Variants in MARCHF8 observed in about 807,000 individuals in gnomAD.
MARCHF8 encodes membrane associated ring-CH-type finger 8.
In MARCHF8, 40 loss-of-function variants were observed where a neutral mutation model predicts 51.6. The observed-to-expected ratio is 0.77, with a 90% CI of 0.60 to 1.01. The LOEUF (loss-of-function observed/expected upper bound fraction) is 1.01. Ranked by LOEUF, MARCHF8 falls within the 50% of genes least tolerant of loss-of-function variation. The pLI is 0.00. For synonymous variants in MARCHF8, 263 were observed against 280.3 expected (o/e 0.94, Z 0.62); for missense variants, 685 against 708.6 (o/e 0.97, Z 0.38).
chr10:45,571,279 G>A (rs923628268), intron 1 of MARCHF8, among the ~76,000 whole-genome samples: 4 of 152,090 alleles, frequency 2.6e-5, no homozygotes, highest in African/African-American at 9.7e-5. Flanking sequence ...AGTGAAAATA[G>A]CCTGTTTCTG....
chr10:45,505,001 T>C (rs1430770986), intron 2 of MARCHF8, among the ~76,000 whole-genome samples: 1 of 152,192 alleles, frequency 6.6e-6, no homozygotes, highest in Non-Finnish European at 1.5e-5. Context: ...TTATTGCTCA[T>C]TTCGAGCTGT....
At chr10:45,584,827 G>T (rs1211473773) in intron 1 of MARCHF8, among the ~76,000 whole-genome samples, 1 of 152,172 alleles carries the variant, frequency 6.6e-6, no homozygotes, top group African/African-American at 2.4e-5. Context: ...CCTATTGCCG[G>T]CTTTGAAGAT....
At chr10:45,536,561 T>C (rs1390258598), upstream of MARCHF8, among the ~76,000 whole-genome samples, 9 of 151,196 alleles carry the variant, frequency 6.0e-5, no homozygotes, top group Non-Finnish European at 1.3e-4. Context: ...CTGGGCAATA[T>C]AGCAATACTC....
intron 1 of MARCHF8, among the ~76,000 whole-genome samples, chr10:45,584,330 T>A (rs981612669): frequency 2.0e-5 from 3 of 151,616 alleles, no homozygotes; most frequent in Admixed American, 6.6e-5. Context: ...TCTCACATGT[T>A]AGAGAATACA....
Position 45,461,477 on chromosome 10 carries a change from G to A in MARCHF8, c.1089-66C>T, listed in dbSNP as rs1251543500. ...ATGACAGGGAAGCTGACACTTCAGT[G>A]GCAGGTTAATCCCCCCAAAGGAAAC... On this transcript the variant is annotated intron_variant, in intron 5 of 7. Coordinates refer to ENST00000453424, the MANE Select transcript of MARCHF8 (RefSeq NM_001282866.2). The A allele has an allele frequency of 5.1e-6, 7 of 1,363,052 alleles. No individual in the cohort carries two copies. The East Asian group carries it at 1.9e-4, about 37-fold the overall frequency. 84.4% of individuals were successfully genotyped at this position (1,363,052 alleles called of 1,614,324 possible).
rs563392242 is a variant in MARCHF8, at chr10:45,509,444, T to C, written c.103-20027A>G. ...CATCTTATTCTCCCTGCTTGAGCCC[T>C]CCAAAGTTCAGAAACGTAATAAATA... On this transcript the variant is annotated intron_variant, in intron 2 of 7. Coordinates refer to ENST00000453424, the MANE Select transcript of MARCHF8 (RefSeq NM_001282866.2). Among the ~76,000 whole-genome samples, 13 of 152,332 alleles carry C rather than the reference T, an allele frequency of 8.5e-5. 1 individual carries two copies. The South Asian group carries it at 2.5e-3, about 29-fold the overall frequency.
intron 1 of MARCHF8, among the ~76,000 whole-genome samples, chr10:45,574,930 T>C (rs1296723729): frequency 6.6e-6 from 1 of 151,344 alleles, no homozygotes. Context: ...ACTCTAAATA[T>C]GCCTTCCATA....
Position 45,461,365 on chromosome 10 carries a change from AG to A in MARCHF8, c.1134del (p.Cys379AlafsTer40). On this transcript the variant is annotated frameshift_variant, in exon 6 of 8. Transcript: ENST00000453424. LOFTEE classifies it high-confidence loss of function. The stretch of plus-strand genomic sequence containing the variant: ...AAGTGGAGGCTTCCTGTGCAGTGGC[AG>A]GGGGTGATCAGGGGGCTCTCATCAT... ...EGDDESPLIT[P>X]CHCTGSLHFV... 1 of 1,601,044 alleles carries A rather than the reference AG, an allele frequency of 6.2e-7. No homozygotes were observed. The highest frequency in any genetic ancestry group is 8.5e-7 in the Non-Finnish European group (1 of 1,174,582).
At chr10:45,518,785 T>C (rs2043660540) in intron 2 of MARCHF8, among the ~76,000 whole-genome samples, 1 of 152,218 alleles carries the variant, frequency 6.6e-6, no homozygotes, top group Non-Finnish European at 1.5e-5. Flanking sequence ...TGGACACTGG[T>C]ATGGTTCTAG....
intron 1 of MARCHF8, among the ~76,000 whole-genome samples, chr10:45,544,259 T>G (rs1466238652): frequency 1.3e-5 from 2 of 152,230 alleles, no homozygotes; most frequent in Non-Finnish European, 2.9e-5. Context: ...AGATCTCTCA[T>G]GTATTGCTGG....
intron 3 of MARCHF8, among the ~76,000 whole-genome samples, chr10:45,473,946 T>C (rs1196177023): frequency 1.3e-5 from 2 of 152,168 alleles, no homozygotes; most frequent in African/African-American, 4.8e-5. Flanking sequence ...ACCTCTCACA[T>C]CTGCTTTACA....
At chr10:45,522,240 T>C (rs982545456) in intron 2 of MARCHF8, among the ~76,000 whole-genome samples, 2 of 152,184 alleles carry the variant, frequency 1.3e-5, no homozygotes, top group East Asian at 3.8e-4. Context: ...ACTGTTAGAT[T>C]TGGGGTGACA....
Position 45,464,226 on chromosome 10 carries a change from A to G in MARCHF8, c.242+13T>C, listed in dbSNP as rs779915406. ...GCACACTGATCATGGCAGCATCTGA[A>G]GCAGAGTGTTACCTGCAGATGTCCT... On this transcript the variant is annotated intron_variant, in intron 4 of 7. Coordinates refer to ENST00000453424, the MANE Select transcript of MARCHF8 (RefSeq NM_001282866.2). 1.3e-5 allele frequency: 21 copies of G among 1,612,392 alleles called. No individual in the cohort carries two copies. The East Asian group carries it at 4.5e-4, about 34-fold the overall frequency.
At chr10:45,551,349 T>A (rs2044192345) in intron 1 of MARCHF8, among the ~76,000 whole-genome samples, 1 of 152,170 alleles carries the variant, frequency 6.6e-6, no homozygotes, top group Admixed American at 6.6e-5. Context: ...ACAGAAAGGA[T>A]ACCAAGAGTT....
intron 3 of MARCHF8, among the ~76,000 whole-genome samples, chr10:45,476,593 C>T (rs1010434219): frequency 1.3e-5 from 2 of 151,194 alleles, no homozygotes; most frequent in African/African-American, 4.9e-5. Context: ...GGAATACAGA[C>T]AAACAATACA....
chr10:45,497,665 A>T (rs946994594), intron 2 of MARCHF8, among the ~76,000 whole-genome samples: 3 of 152,234 alleles, frequency 2.0e-5, no homozygotes, highest in Admixed American at 6.5e-5. Context: ...GAAATTAAAC[A>T]ACAAAATCTG....
upstream of MARCHF8, among the ~76,000 whole-genome samples, chr10:45,539,226 C>T (rs1263430893): frequency 6.6e-6 from 1 of 152,132 alleles, no homozygotes; most frequent in East Asian, 1.9e-4. Flanking sequence ...CTACTGGGTA[C>T]ATAAAGAAAT....
chr10:45,518,797 G>C (rs1475454342), intron 2 of MARCHF8, among the ~76,000 whole-genome samples: 1 of 152,156 alleles, frequency 6.6e-6, no homozygotes, highest in African/African-American at 2.4e-5. Context: ...TGGTTCTAGA[G>C]CCCTCTTGTA....
rs79323505 is a variant in MARCHF8, at chr10:45,556,495, G to A, written c.-78-23206C>T. On this transcript the variant is annotated intron_variant, in intron 1 of 6. Transcript: ENST00000319836. ...TGCCAGCTAGAGCCAGGCACAAGGC[G>A]GTTCACGGTATTCTTCCTTTACTTC... Among the ~76,000 whole-genome samples the A allele has an allele frequency of 3.8e-3, 581 of 152,214 alleles. 3 individuals are homozygous for A. Among genetic ancestry groups the A allele is most frequent in the African/African-American group, 0.013 (546 of 41,524 alleles).
Sources: allele counts gnomAD v4.1 joint callset (sites outside exome capture counted in the v4.1 genomes callset), GRCh38; gene constraint gnomAD v4.1.1; transcripts MANE v1.5; gene names NCBI Gene and HGNC (gene_info 2026-07-23, HGNC 2026-07-21).